Variants in FAM149A observed in about 807,000 individuals in gnomAD.
The protein encoded by FAM149A is family with sequence similarity 149 member A.
In FAM149A, 71 loss-of-function variants were observed where a neutral mutation model predicts 78.2. The ratio of observed to expected loss-of-function variants is 0.91; its 90% CI spans 0.75 to 1.11. FAM149A has a LOEUF of 1.11. Ranked by LOEUF, FAM149A falls within the 50% of genes least tolerant of loss-of-function variation. FAM149A has a pLI of 0.00. For synonymous variants in FAM149A, 446 were observed against 410.5 expected (o/e 1.09, Z -1.04); for missense variants, 1,036 against 971.0 (o/e 1.07, Z -0.89).
intron 1 of FAM149A, among the ~76,000 whole-genome samples, chr4:186,142,836 C>G (rs2099326418): frequency 6.6e-6 from 1 of 152,308 alleles, no homozygotes; most frequent in East Asian, 1.9e-4. Context: ...AAACACTCAA[C>G]CTGCCGCAAT....
chr4:186,150,489 G>C (rs1353722046), intron 3 of FAM149A, among the ~76,000 whole-genome samples: 20 of 124,480 alleles, frequency 1.6e-4, no homozygotes, highest in South Asian at 6.0e-4. Flanking sequence ...GCGCGATCTC[G>C]GCTCACTGCA....
In FAM149A at chr4:186,143,261, C is replaced by A. The variant is rs146925477; in HGVS notation, c.567-5912C>A. Among the ~76,000 whole-genome samples the A allele has an allele frequency of 2.9e-3, 427 of 145,752 alleles. 3 individuals are homozygous for A. Among genetic ancestry groups the A allele is most frequent in the African/African-American group, 9.5e-3 (377 of 39,734 alleles). On this transcript the variant is annotated intron_variant, in intron 1 of 13. Coordinates refer to ENST00000389354, the MANE Select transcript of FAM149A (RefSeq NM_001367768.3). ...CCCATCTTGGCCTCTCAAAACACTG[C>A]GGTTACAGGTGGGAGCCATCACACC...
intron 3 of FAM149A, among the ~76,000 whole-genome samples, chr4:186,150,586 A>T (rs112828135): frequency 1.7e-5 from 2 of 119,742 alleles, no homozygotes; most frequent in African/African-American, 3.2e-5. Flanking sequence ...CGCCCGGCTA[A>T]TTTTTTGTAT....
intron 3 of FAM149A, among the ~76,000 whole-genome samples, chr4:186,150,395 T>TTCTC (rs1228516202): frequency 8.0e-6 from 1 of 125,440 alleles, no homozygotes; most frequent in African/African-American, 3.1e-5. Flanking sequence ...CTTGCTTGCT[T>TTCTC]TCTCTCTCTC....
At chr4:186,126,791 C>A (rs777809116) in intron 1 of FAM149A, 19 of 736,524 alleles carry the variant, frequency 2.6e-5, no homozygotes, top group Non-Finnish European at 3.2e-5. Flanking sequence ...TCTGTGATTG[C>A]GTGAGCCTGT....
chr4:186,109,886 T>C (rs963382783), intron 1 of FAM149A: 3 of 985,228 alleles, frequency 3.0e-6, no homozygotes, highest in Admixed American at 6.1e-5. Context: ...CTGCATGACT[T>C]ACAGAAGATA....
intron 1 of FAM149A, chr4:186,116,384 G>T: frequency 1.3e-6 from 1 of 770,750 alleles, no homozygotes; most frequent in Non-Finnish European, 1.6e-6. Context: ...GCTGTAGACC[G>T]GAGCTGTTCC....
In FAM149A at chr4:186,167,016, G is replaced by T. The variant is rs141044925; in HGVS notation, c.2059G>T (p.Gly687Cys). 2.5e-6 allele frequency: 4 copies of T among 1,614,048 alleles called. No individual in the cohort carries two copies. The South Asian group carries it at 4.4e-5, about 18-fold the overall frequency. ...CCGTGTGTTGAGTGCCATGCCTGAC[G>T]GTACAGAACGATCGCGTCTTCGAGA... Residue 687 changes from glycine to cysteine, a missense_variant, in exon 12 of 14, where the codon GGT (glycine) becomes TGT (cysteine). Physicochemically the swap from Gly to Cys is radical, Grantham distance 159. This residue lies in a region of FAM149A where 716 missense variants were observed against 711.8 expected (regional missense o/e 1.01). Transcript: ENST00000389354.
chr4:186,124,052 C>G, intron 1 of FAM149A: 1 of 928,936 alleles, frequency 1.1e-6, no homozygotes. Flanking sequence ...TGGGTGGCCA[C>G]TTTGTTTCTA....
chr4:186,130,649 G>A (rs34523341), intron 1 of FAM149A, among the ~76,000 whole-genome samples: 14,769 of 151,740 alleles, frequency 0.097, 810 homozygotes, highest in South Asian at 0.14. Flanking sequence ...ATGAGCCACC[G>A]TGCCTGGCCA....
Position 186,164,398 on chromosome 4 carries a change from C to G in FAM149A, c.1889+765C>G, listed in dbSNP as rs1410700658. ...GTGCTCTCAGGCTTTAGAGACCACC[C>G]ACTGGACCCCCGGCCTGCAGGGGAG... On this transcript the variant is annotated intron_variant, in intron 10 of 13. Transcript: ENST00000389354. This position sits in a 1 kb window ranked among gnomAD's most constrained non-coding sequence, Gnocchi z 4.0. 1 of 938,128 alleles carries G rather than the reference C, an allele frequency of 1.1e-6. No homozygotes were observed. Among genetic ancestry groups the G allele is most frequent in the East Asian group, 1.2e-4 (1 of 8,612 alleles). The allele number at this position is 938,128 out of a possible 1,614,324, so 58.1% of individuals were successfully genotyped here. A position where few individuals can be genotyped will look rare whatever the true frequency, so the allele number is the denominator to read the frequency against.
At chr4:186,109,610 A>C in intron 1 of FAM149A, 1 of 985,128 alleles carries the variant, frequency 1.0e-6, no homozygotes, top group South Asian at 4.7e-5. Context: ...TACTTTCTGC[A>C]TAGAAGTGCT....
In FAM149A at chr4:186,164,718, C is replaced by A. The variant is rs1223073264; in HGVS notation, c.1890-626C>A. Among the ~76,000 whole-genome samples the A allele has an allele frequency of 6.6e-6, 1 of 152,170 alleles. No individual in the cohort carries two copies. The highest frequency in any genetic ancestry group is 2.4e-5 in the African/African-American group (1 of 41,428). On this transcript the variant is annotated intron_variant, in intron 10 of 13. Transcript: ENST00000389354. The surrounding 1 kb of genome is among the most constrained non-coding windows in gnomAD (Gnocchi z 4.0). ...CAGCCTACCTGGGCCCCCTGTCACA[C>A]CTTCATCAAATAGAAACCCATTTAT...
chr4:186,159,838 C>T (rs143274840), intron 8 of FAM149A, among the ~76,000 whole-genome samples: 146 of 137,270 alleles, frequency 1.1e-3, no homozygotes, highest in African/African-American at 3.6e-3. Flanking sequence ...GCAGAGAACA[C>T]GGGTAAGGCA....
chr4:186,169,835 G>C (rs140411269), intron 13 of FAM149A: 45 of 985,282 alleles, frequency 4.6e-5, no homozygotes, highest in Non-Finnish European at 5.4e-5. Context: ...AGTCATCTGC[G>C]CCTCACTGCC....
At chr4:186,151,777 C>T (rs760398429) in intron 3 of FAM149A, 126 bp from the exon 4 acceptor site, 9 of 1,451,810 alleles carry the variant, frequency 6.2e-6, no homozygotes, top group Middle Eastern at 1.8e-4. Context: ...GCAAAGCCAC[C>T]ATCTTTTTAC....
At chr4:186,129,233 C>T (rs1369529292) in intron 1 of FAM149A, among the ~76,000 whole-genome samples, 1 of 151,816 alleles carries the variant, frequency 6.6e-6, no homozygotes, top group East Asian at 1.9e-4. Context: ...GCTCCGAATA[C>T]ACTTCTAATC....
intron 1 of FAM149A, chr4:186,126,067 G>A (rs1224387928): frequency 2.0e-6 from 2 of 985,222 alleles, no homozygotes; most frequent in African/African-American, 3.5e-5. Context: ...AGACTCCTGT[G>A]GGATCTGGAC....
intron 1 of FAM149A, chr4:186,123,632 C>T (rs959684788): frequency 2.4e-5 from 5 of 212,530 alleles, no homozygotes; most frequent in Non-Finnish European, 4.1e-5. Flanking sequence ...CAAACACTTT[C>T]CCTCTGGGAA....
Sources: gnomAD v4.1 joint callset for allele counts (sites outside exome capture counted in the v4.1 genomes callset) on GRCh38, gnomAD v4.1.1 for gene constraint, gnomAD v4.1.1 regional missense constraint, Gnocchi (gnomAD v3.1) non-coding constraint, MANE v1.5 for transcripts, NCBI Gene and HGNC (gene_info 2026-07-23, HGNC 2026-07-21) for gene names.